Variants in FOXN3 observed in about 807,000 individuals in gnomAD.
FOXN3 encodes forkhead box protein N3.
A neutral mutation model predicts 38.4 loss-of-function variants in FOXN3; 7 were observed. The ratio of observed to expected loss-of-function variants is 0.18; its 90% confidence interval spans 0.10 to 0.34. The LOEUF (loss-of-function observed/expected upper bound fraction) is 0.34. Among genes scored for constraint, FOXN3 ranks in the 10% least tolerant of loss-of-function variants. The pLI is 1.00. For synonymous variants in FOXN3, 230 were observed against 242.2 expected (o/e 0.95, Z 0.47); for missense variants, 456 against 613.4 (o/e 0.74, Z 2.71).
At chr14:89,343,660 A>C (rs1219313610) in intron 3 of FOXN3, among the ~76,000 whole-genome samples, 1 of 147,270 alleles carries the variant, frequency 6.8e-6, no homozygotes, top group Non-Finnish European at 1.5e-5. Flanking sequence ...CGGCTCGTTA[A>C]ATTCCTCTGA....
In FOXN3 at chr14:89,374,430, T is replaced by C. The variant is rs149475841; in HGVS notation, c.544-23622A>G. ...ACCAATCCCACTCCTGGGTATTTCTTCAAGAGAAACGAGCTCACATATCCA... is the reference window on the plus strand; with the variant it reads ...ACCAATCCCACTCCTGGGTATTTCTCCAAGAGAAACGAGCTCACATATCCA... On this transcript the variant is annotated intron_variant, in intron 2 of 5. Coordinates refer to ENST00000557258, the MANE Select transcript of FOXN3 (RefSeq NM_005197.4). Among the ~76,000 whole-genome samples the C allele has an allele frequency of 3.3e-5, 5 of 152,260 alleles. No homozygotes were observed. In the East Asian group the frequency reaches 9.6e-4, roughly 29 times the overall value.
intron 4 of FOXN3, among the ~76,000 whole-genome samples, chr14:89,227,640 T>G (rs968438282): frequency 5.9e-5 from 9 of 152,186 alleles, no homozygotes; most frequent in African/African-American, 2.2e-4. Flanking sequence ...TCTCTCCCCT[T>G]GAATGCAGAT....
rs138406410 is a variant in FOXN3, at chr14:89,549,441, C to T, written c.-15+69587G>A. Among the ~76,000 whole-genome samples, 395 of 152,222 alleles carry T rather than the reference C, an allele frequency of 2.6e-3. 2 individuals carry two copies. Among genetic ancestry groups the T allele is most frequent in the African/African-American group, 9.3e-3 (387 of 41,532 alleles). On this transcript the variant is annotated intron_variant, in intron 1 of 6. Coordinates refer to the FOXN3 transcript ENST00000345097. ...TAGCCTTCAACAATCCCAATTACAA[C>T]GACATTCGAAAACATCCGGAAAGAC...
At chr14:89,590,450 C>T (rs1479353185) in intron 1 of FOXN3, among the ~76,000 whole-genome samples, 6 of 152,140 alleles carry the variant, frequency 3.9e-5, no homozygotes, top group South Asian at 4.2e-4. Flanking sequence ...GAGGGGAGAA[C>T]GGAGCAGAAT....
chr14:89,206,216 G>A (rs753832425), intron 4 of FOXN3, among the ~76,000 whole-genome samples: 21 of 152,210 alleles, frequency 1.4e-4, no homozygotes, highest in Non-Finnish European at 2.8e-4. Flanking sequence ...CCGTACATAA[G>A]CACAAACACT....
intron 1 of FOXN3, among the ~76,000 whole-genome samples, chr14:89,447,805 C>G (rs997547851): frequency 7.8e-6 from 1 of 128,836 alleles, no homozygotes; most frequent in East Asian, 2.1e-4. Flanking sequence ...TTTCCTGATG[C>G]CTTTCTTCCT....
intron 1 of FOXN3, among the ~76,000 whole-genome samples, chr14:89,551,772 C>A (rs919735086): frequency 6.6e-6 from 1 of 152,178 alleles, no homozygotes; most frequent in African/African-American, 2.4e-5. Context: ...TGCCCCCACC[C>A]CTACCGTTCC....
chr14:89,444,692 C>T (rs568448308), intron 1 of FOXN3, among the ~76,000 whole-genome samples: 4 of 152,252 alleles, frequency 2.6e-5, no homozygotes, highest in South Asian at 4.2e-4. Flanking sequence ...CTCTATATTC[C>T]GCAGCTTCCC....
At chr14:89,616,230 G>A (rs1374726888) in intron 1 of FOXN3, among the ~76,000 whole-genome samples, 1 of 151,932 alleles carries the variant, frequency 6.6e-6, no homozygotes, top group African/African-American at 2.4e-5. Context: ...GGGAGGGGAG[G>A]TCTCCAAACT....
intron 1 of FOXN3, among the ~76,000 whole-genome samples, chr14:89,415,847 T>TACACACACACACAC (rs5810462): frequency 0.017 from 2,443 of 140,448 alleles, 54 homozygotes; most frequent in African/African-American, 0.044. Context: ...AACTTTTCTC[T>TACACACACACACAC]ACACACACAC....
At chr14:89,290,356 TGTG>T (rs1886832994) in intron 3 of FOXN3, 2 of 381,172 alleles carry the variant, frequency 5.2e-6, no homozygotes, top group South Asian at 4.4e-5. Flanking sequence ...GTTAGGTATG[TGTG>T]GCAACCTTCT....
intron 2 of FOXN3, among the ~76,000 whole-genome samples, chr14:89,407,459 A>G (rs181281935): frequency 2.6e-5 from 4 of 152,348 alleles, no homozygotes; most frequent in Non-Finnish European, 5.9e-5. Context: ...GGACTTGAGC[A>G]TGGTTGTTAT....
intron 4 of FOXN3, among the ~76,000 whole-genome samples, chr14:89,201,256 G>C (rs1349218863): frequency 6.6e-6 from 1 of 152,192 alleles, no homozygotes; most frequent in African/African-American, 2.4e-5. Context: ...TCTGGGGATG[G>C]CAGTAGCTCA....
intron 4 of FOXN3, among the ~76,000 whole-genome samples, chr14:89,250,866 C>T (rs1190707637): frequency 2.0e-5 from 3 of 152,162 alleles, no homozygotes; most frequent in Non-Finnish European, 4.4e-5. Flanking sequence ...CCTGCACATG[C>T]TCTCTCTCTT....
intron 4 of FOXN3, among the ~76,000 whole-genome samples, chr14:89,213,837 G>A (rs1884178233): frequency 6.6e-6 from 1 of 152,124 alleles, no homozygotes; most frequent in Admixed American, 6.5e-5. Flanking sequence ...AAAAATTGTG[G>A]TGCAGTTGCT....
chr14:89,195,058 A>C (rs1309976839), intron 4 of FOXN3, among the ~76,000 whole-genome samples: 1 of 152,244 alleles, frequency 6.6e-6, no homozygotes, highest in Non-Finnish European at 1.5e-5. Flanking sequence ...CTGTTTGTAC[A>C]GGCATTGCCT....
intron 3 of FOXN3, among the ~76,000 whole-genome samples, chr14:89,342,462 T>C (rs1199014188): frequency 6.6e-6 from 1 of 152,140 alleles, no homozygotes; most frequent in East Asian, 1.9e-4. Context: ...ACTCAGGAAA[T>C]ATAATGGAAG....
intron 1 of FOXN3, among the ~76,000 whole-genome samples, chr14:89,510,802 C>G (rs755995225): frequency 6.6e-6 from 1 of 152,050 alleles, no homozygotes; most frequent in African/African-American, 2.4e-5. Context: ...ATTAGCCAAG[C>G]GTGGTGGTGT....
chr14:89,422,022 GC>G (rs1891924707), upstream of FOXN3, among the ~76,000 whole-genome samples: 1 of 152,092 alleles, frequency 6.6e-6, no homozygotes, highest in Admixed American at 6.5e-5. Flanking sequence ...AGGACTACAG[GC>G]GCATGCCACC....
Sources: allele counts gnomAD v4.1 joint callset (sites outside exome capture counted in the v4.1 genomes callset), GRCh38; gene constraint gnomAD v4.1.1; transcripts MANE v1.5; gene names NCBI Gene and HGNC (gene_info 2026-07-23, HGNC 2026-07-21).